DAB1: variants seen among roughly 807,000 people sequenced by gnomAD.
DAB1 encodes the protein disabled homolog 1.
Under a neutral mutation model 64.6 loss-of-function variants are expected in DAB1, and 15 were observed. That is an observed-to-expected ratio of 0.23 (90% CI 0.16 to 0.36). The LOEUF (loss-of-function observed/expected upper bound fraction) is 0.36. DAB1 is among the 10% of genes least tolerant of loss of function. The probability of loss-of-function intolerance (pLI) is 1.00; values close to 1 mark genes in which losing one functional copy is unlikely to be tolerated. For synonymous variants in DAB1, 235 were observed against 251.9 expected (o/e 0.93, Z 0.64); for missense variants, 596 against 706.7 (o/e 0.84, Z 1.78).
intron 4 of DAB1, among the ~76,000 whole-genome samples, chr1:58,211,242 C>A (rs1175542023): frequency 6.6e-6 from 1 of 152,148 alleles, no homozygotes; most frequent in Non-Finnish European, 1.5e-5. Flanking sequence ...ACACAGTCAT[C>A]TGTGTAACTC....
chr1:58,171,129 C>T (rs889244798), intron 4 of DAB1, among the ~76,000 whole-genome samples: 14 of 152,136 alleles, frequency 9.2e-5, no homozygotes, highest in African/African-American at 3.4e-4. Flanking sequence ...GATATATCAG[C>T]CAAAGCTGGA....
chr1:57,172,775 G>T (rs1661909111), intron 2 of DAB1, among the ~76,000 whole-genome samples: 1 of 152,110 alleles, frequency 6.6e-6, no homozygotes, highest in African/African-American at 2.4e-5. Flanking sequence ...CATTCTCAAG[G>T]AATCTGCCCC....
At chr1:57,713,823 T>C (rs1355046470) in intron 6 of DAB1, among the ~76,000 whole-genome samples, 1 of 151,374 alleles carries the variant, frequency 6.6e-6, no homozygotes, top group East Asian at 1.9e-4. Context: ...AAAAGAGGAG[T>C]TTCTTAGTTA....
chr1:57,274,104 G>T lies in DAB1; in HGVS notation c.67+16860C>A, dbSNP rs1432772973. On this transcript the variant is annotated intron_variant, in intron 2 of 14. Coordinates refer to ENST00000371236, the MANE Select transcript of DAB1 (RefSeq NM_001365792.1). ...TTGAAATGGAAGATCATAATGCTTT[G>T]CCAATCTGCTCTGATCCCAGAGAAA... Among the ~76,000 whole-genome samples the T allele has an allele frequency of 2.6e-5, 4 of 152,130 alleles. No individual in the cohort carries two copies. In the East Asian group the frequency reaches 7.7e-4, roughly 29 times the overall value.
rs182624976 is a variant in DAB1 at position 57,149,580 on chromosome 1, A to T, written c.68-4151T>A. ...AGCTTTGACTTGCATTTCCCTAAGG[A>T]GTAATGATGTTGAGCATCTTTTCAT... On this transcript the variant is annotated intron_variant, in intron 2 of 14. Transcript: ENST00000371236. Among the ~76,000 whole-genome samples the T allele has an allele frequency of 1.6e-4, 25 of 152,288 alleles. No homozygotes were observed. In the East Asian group the frequency reaches 4.4e-3, roughly 27 times the overall value.
At chr1:58,498,330 T>C (rs1645840231) in intron 3 of DAB1, among the ~76,000 whole-genome samples, 1 of 152,126 alleles carries the variant, frequency 6.6e-6, no homozygotes, top group African/African-American at 2.4e-5. Context: ...TTACAACTGT[T>C]TTTAGTTCTA....
chr1:57,623,468 C>G (rs567268319), intron 7 of DAB1, among the ~76,000 whole-genome samples: 2 of 152,234 alleles, frequency 1.3e-5, no homozygotes, highest in East Asian at 3.9e-4. Context: ...ATAACATGAG[C>G]ACTGTGTGGA....
chr1:58,121,655 C>T (rs1342246804), intron 5 of DAB1, among the ~76,000 whole-genome samples: 2 of 152,256 alleles, frequency 1.3e-5, no homozygotes, highest in African/African-American at 4.8e-5. Context: ...TCTGCCTGCC[C>T]GACCCAACTG....
At chr1:57,079,548 T>C (rs538756337) in intron 4 of DAB1, among the ~76,000 whole-genome samples, 1 of 152,242 alleles carries the variant, frequency 6.6e-6, no homozygotes, top group East Asian at 1.9e-4. Flanking sequence ...GATACATCTT[T>C]CTAGTACTTA....
At chr1:57,485,269 C>G (rs894968156) in intron 7 of DAB1, among the ~76,000 whole-genome samples, 7 of 152,116 alleles carry the variant, frequency 4.6e-5, no homozygotes, top group African/African-American at 1.7e-4. Context: ...AAGACTGGAG[C>G]ATGGGAGAGT....
intron 5 of DAB1, among the ~76,000 whole-genome samples, chr1:58,002,053 C>A (rs1366138104): frequency 6.6e-6 from 1 of 152,212 alleles, no homozygotes; most frequent in Non-Finnish European, 1.5e-5. Flanking sequence ...ATAGTAGGAA[C>A]TGGCCCTCCC....
At chr1:57,595,821 C>A (rs1340999364) in intron 7 of DAB1, among the ~76,000 whole-genome samples, 1 of 152,072 alleles carries the variant, frequency 6.6e-6, no homozygotes, top group Non-Finnish European at 1.5e-5. Flanking sequence ...ACCTCTCTTC[C>A]TCCTCCTCCG....
At chr1:58,211,658 A>C (rs1462448412) in intron 4 of DAB1, among the ~76,000 whole-genome samples, 1 of 152,200 alleles carries the variant, frequency 6.6e-6, no homozygotes, top group South Asian at 2.1e-4. Context: ...AAATACTCCA[A>C]GAAGAAAATA....
chr1:58,505,152 C>T (rs149191781), intron 3 of DAB1, among the ~76,000 whole-genome samples: 2,498 of 152,106 alleles, frequency 0.016, 54 homozygotes, highest in East Asian at 0.12. Flanking sequence ...GGGTTTCACC[C>T]CGTTGGCCAG....
At chr1:57,888,091 C>T (rs924730897), upstream of DAB1, among the ~76,000 whole-genome samples, 1 of 152,128 alleles carries the variant, frequency 6.6e-6, no homozygotes, top group Non-Finnish European at 1.5e-5. Flanking sequence ...CAGTAGGTGG[C>T]TTTCACTGTA....
intron 6 of DAB1, among the ~76,000 whole-genome samples, chr1:57,772,952 G>C (rs917298389): frequency 7.9e-5 from 12 of 152,170 alleles, no homozygotes; most frequent in East Asian, 1.9e-4. Context: ...GTTAACTACA[G>C]GCACACACAT....
chr1:57,007,385 C>A (rs946262295), intron 14 of DAB1, among the ~76,000 whole-genome samples: 23 of 152,184 alleles, frequency 1.5e-4, no homozygotes, highest in Admixed American at 1.2e-3. Context: ...ATTGCTCCAG[C>A]AACACATCAG....
chr1:57,756,526 G>A (rs1648814618), intron 6 of DAB1, among the ~76,000 whole-genome samples: 1 of 152,080 alleles, frequency 6.6e-6, no homozygotes, highest in Non-Finnish European at 1.5e-5. Context: ...CTAAGGGCAG[G>A]GAAGTTATTG....
In DAB1 at chr1:58,055,446, G is replaced by A. The variant is rs372995665; in HGVS notation, n.387+95065C>T. Among the ~76,000 whole-genome samples, 374 of 151,228 alleles carry A rather than the reference G, an allele frequency of 2.5e-3. 12 individuals carry two copies. In the South Asian group the frequency reaches 0.073, roughly 30 times the overall value. ...ATTTCCATTTGCAACCCCACCCCTC[G>A]TACTCCCTCTTTCCCTTTTCCGCTT... On this transcript the variant is annotated intron_variant and non_coding_transcript_variant, in intron 5 of 20. Coordinates refer to the DAB1 transcript ENST00000485760.
Sources: allele counts gnomAD v4.1 joint callset (sites outside exome capture counted in the v4.1 genomes callset), GRCh38; gene constraint gnomAD v4.1.1; transcripts MANE v1.5; gene names NCBI Gene and HGNC (gene_info 2026-07-23, HGNC 2026-07-21).